Variants in PDXDC1 observed in about 807,000 individuals in gnomAD.
The protein encoded by PDXDC1 is pyridoxal-dependent decarboxylase domain-containing protein 1.
Under a neutral mutation model 100.1 loss-of-function variants are expected in PDXDC1, and 42 were observed. The ratio of observed to expected loss-of-function variants is 0.42; its 90% CI spans 0.33 to 0.54. The LOEUF is 0.54. PDXDC1 is among the 20% of genes least tolerant of loss of function. PDXDC1 has a pLI of 0.10. For synonymous variants in PDXDC1, 260 were observed against 371.7 expected (o/e 0.70, Z 3.46); for missense variants, 636 against 979.2 (o/e 0.65, Z 4.68).
intron 16 of PDXDC1, chr16:15,094,933 G>C (rs1277193227): frequency 6.6e-6 from 1 of 152,248 alleles, no homozygotes; most frequent in South Asian, 2.1e-4. Context: ...CGCCTCCCCA[G>C]TTCCAGCAAT....
At chr16:15,099,173 T>C (rs973247821) in intron 16 of PDXDC1, among the ~76,000 whole-genome samples, 2 of 151,462 alleles carry the variant, frequency 1.3e-5, no homozygotes, top group African/African-American at 4.9e-5. Context: ...CTGTAATCCC[T>C]GTACTTTGGG....
intron 16 of PDXDC1, 45 bp from the exon 17 acceptor site, chr16:15,031,690 T>A: frequency 6.4e-7 from 1 of 1,551,616 alleles, no homozygotes; most frequent in Non-Finnish European, 8.9e-7. Context: ...CCTCTTGTCA[T>A]TGGCCATCTC....
intron 16 of PDXDC1, among the ~76,000 whole-genome samples, chr16:15,077,702 A>C (rs1412639556): frequency 6.6e-6 from 1 of 152,194 alleles, no homozygotes; most frequent in African/African-American, 2.4e-5. Flanking sequence ...TTAGCCGGGC[A>C]TGGTGGCATG....
At chr16:15,013,983 G>C (rs1198293158) in intron 8 of PDXDC1, among the ~76,000 whole-genome samples, 1 of 152,094 alleles carries the variant, frequency 6.6e-6, no homozygotes, top group African/African-American at 2.4e-5. Flanking sequence ...AAGGCGGGAA[G>C]ATCACCTGAG....
At chr16:15,047,705 C>T in intron 16 of PDXDC1, 1 of 891,278 alleles carries the variant, frequency 1.1e-6, no homozygotes, top group South Asian at 1.4e-5. Flanking sequence ...CCATTCTGAC[C>T]AGGACACCAG....
intron 16 of PDXDC1, among the ~76,000 whole-genome samples, chr16:15,078,949 CTA>C (rs1374866921): frequency 3.3e-5 from 5 of 151,738 alleles, no homozygotes; most frequent in Non-Finnish European, 1.5e-5. Context: ...GTAGCTGGGA[CTA>C]TAGGTGCCCA....
At chr16:15,131,618 G>C in intron 16 of PDXDC1, 1 of 1,600,670 alleles carries the variant, frequency 6.2e-7, no homozygotes, top group Non-Finnish European at 8.5e-7. Flanking sequence ...TTGTAGGCCT[G>C]GGACGCCACC....
At chr16:15,140,774 G>A (rs1051903551), downstream of PDXDC1, among the ~76,000 whole-genome samples, 5 of 151,630 alleles carry the variant, frequency 3.3e-5, no homozygotes, top group African/African-American at 9.7e-5. Flanking sequence ...TCACCCTGCC[G>A]CCCACCCTGG....
chr16:15,010,918 G>C (rs1197903310), intron 8 of PDXDC1, among the ~76,000 whole-genome samples: 18 of 152,262 alleles, frequency 1.2e-4, no homozygotes, highest in Non-Finnish European at 2.5e-4. Context: ...AACTAAGAAT[G>C]TTACTGAGAG....
intron 16 of PDXDC1, chr16:15,055,783 G>T: frequency 1.8e-6 from 1 of 560,332 alleles, no homozygotes; most frequent in Non-Finnish European, 2.6e-6. Context: ...GGCTCCGGAT[G>T]TGCCAACAGC....
chr16:15,129,294 T>C (rs1399631578), intron 16 of PDXDC1, among the ~76,000 whole-genome samples: 1 of 150,976 alleles, frequency 6.6e-6, no homozygotes, highest in Non-Finnish European at 1.5e-5. Context: ...AAAAATTAAC[T>C]GGGTGTGGTG....
chr16:15,097,830 T>TC (rs1407556064), intron 16 of PDXDC1, among the ~76,000 whole-genome samples: 1 of 152,088 alleles, frequency 6.6e-6, no homozygotes, highest in Non-Finnish European at 1.5e-5. Flanking sequence ...TGAATAATTA[T>TC]CATATTTATA....
intron 16 of PDXDC1, among the ~76,000 whole-genome samples, chr16:15,093,681 G>A (rs1335175750): frequency 1.3e-5 from 2 of 152,202 alleles, no homozygotes; most frequent in Admixed American, 6.5e-5. Flanking sequence ...TGCTACGGGG[G>A]TTAGGGATTT....
At chr16:15,069,106 A>G (rs1467062182) in intron 16 of PDXDC1, among the ~76,000 whole-genome samples, 3 of 152,178 alleles carry the variant, frequency 2.0e-5, no homozygotes, top group African/African-American at 7.2e-5. Flanking sequence ...AGGTAAACAT[A>G]TATAATGCAA....
At chr16:14,988,049 A>G (rs1311707287) in intron 1 of PDXDC1, among the ~76,000 whole-genome samples, 8 of 152,158 alleles carry the variant, frequency 5.3e-5, no homozygotes, top group Non-Finnish European at 1.2e-4. Context: ...AAAGCTTACA[A>G]AAGGTCCACT....
intron 21 of PDXDC1, among the ~76,000 whole-genome samples, chr16:15,034,942 T>C (rs866529914): frequency 6.6e-6 from 1 of 152,194 alleles, no homozygotes. Context: ...GACTGAAGCA[T>C]GGAGTGCTGG....
At chr16:14,977,714 T>C (rs1024166995) in intron 1 of PDXDC1, among the ~76,000 whole-genome samples, 3 of 152,270 alleles carry the variant, frequency 2.0e-5, no homozygotes, top group Non-Finnish European at 4.4e-5. Flanking sequence ...TGAAAAATAG[T>C]CTGGGTCAAA....
chr16:15,131,493 G>C (rs1374584324), intron 16 of PDXDC1: 12 of 1,607,238 alleles, frequency 7.5e-6, no homozygotes, highest in South Asian at 5.5e-5. Flanking sequence ...AGCACAGCAG[G>C]CTCCGCGGGT....
intron 5 of PDXDC1, among the ~76,000 whole-genome samples, chr16:15,004,708 G>T (rs1307703897): frequency 1.3e-5 from 2 of 152,206 alleles, no homozygotes; most frequent in Non-Finnish European, 2.9e-5. Context: ...TGGGGGATTG[G>T]TTCTTGACCT....
Sources: gnomAD v4.1 joint callset for allele counts (sites outside exome capture counted in the v4.1 genomes callset) on GRCh38, gnomAD v4.1.1 for gene constraint, MANE v1.5 for transcripts, NCBI Gene and HGNC (gene_info 2026-07-23, HGNC 2026-07-21) for gene names.